DOK7: variants seen among roughly 807,000 people sequenced by gnomAD.
DOK7 encodes docking protein 7, also known as protein Dok-7.
A neutral mutation model predicts 30.7 loss-of-function variants in DOK7; 32 were observed. That is an observed-to-expected ratio of 1.04 (90% CI 0.79 to 1.40). The LOEUF (loss-of-function observed/expected upper bound fraction) is 1.40. Ranked by LOEUF, DOK7 falls within the 40% of genes most tolerant of loss-of-function variation. The pLI is 0.00. For missense variants in DOK7, 1,007 were observed against 699.2 expected (o/e 1.44, Z -4.97); for synonymous variants, 447 against 324.1 (o/e 1.38, Z -4.07).
At chr4:3,500,688 T>G (rs1363557417) in intron 7 of DOK7, 1 of 1,535,574 alleles carries the variant, frequency 6.5e-7, no homozygotes, top group Admixed American at 2.0e-5. Flanking sequence ...CAGAATTCTT[T>G]CAGGGGCTGG....
rs1453991148 is a variant in DOK7, at chr4:3,493,836, A to G, written c.*335A>G. 2.5e-6 allele frequency: 3 copies of G among 1,202,416 alleles called. No individual in the cohort carries two copies. The highest frequency in any genetic ancestry group is 8.6e-5 in the East Asian group (2 of 23,144). The allele number at this position is 1,202,416 out of a possible 1,614,324, so 74.5% of individuals were successfully genotyped here. A position where few individuals can be genotyped will look rare whatever the true frequency, so the allele number is the denominator to read the frequency against. The stretch of plus-strand genomic sequence containing the variant: ...GCTCGTGCCTTGCACTGGGGTGCCA[A>G]GGGCTGGAGGCCCTGCCGCTGGCCT... On this transcript the variant is annotated 3_prime_UTR_variant, in exon 7 of 7. Coordinates refer to ENST00000340083, the MANE Select transcript of DOK7 (RefSeq NM_173660.5).
At position 3,466,388 on chromosome 4, in the gene DOK7, C is replaced by T. The variant is rs368249369; in HGVS notation, c.100+2837C>T. On this transcript the variant is annotated intron_variant, in intron 2 of 6. Coordinates refer to ENST00000340083, the MANE Select transcript of DOK7 (RefSeq NM_173660.5). ...CCCCGTGAGCCCCGGAGCTGCCCCA[C>T]GGCTAGTGCTGTCCTGGGGCCCTGC... is the stretch of plus-strand genomic sequence containing the variant. Among the ~76,000 whole-genome samples, 18 of 152,270 alleles carry T rather than the reference C, an allele frequency of 1.2e-4. 1 individual carries two copies. Among genetic ancestry groups the T allele is most frequent in the African/African-American group, 2.6e-4 (11 of 41,542 alleles).
In DOK7 at chr4:3,476,233, CGTG is replaced by C; in HGVS notation, c.332-108_332-106del. ...ATGATGCCCTCTCGCCCCGCCTGCC[CGTG>C]ATGCCCTCTCACCCCACCCGCCCGT... On this transcript the variant is annotated intron_variant, in intron 3 of 6. Transcript: ENST00000340083. 7 of 982,918 alleles carry C rather than the reference CGTG, an allele frequency of 7.1e-6. 3 individuals are homozygous for C. Among genetic ancestry groups the C allele is most frequent in the Admixed American group, 5.6e-5 (2 of 35,666 alleles). 60.9% of individuals were successfully genotyped at this position (982,918 alleles called of 1,614,324 possible).
exon 8 of DOK7, chr4:3,501,147 G>A (rs1163088056): frequency 5.2e-6 from 2 of 381,562 alleles, no homozygotes; most frequent in Non-Finnish European, 9.5e-6. Context: ...TGCTGCCCAG[G>A]AGTTTGGGAG....
At chr4:3,491,345 G>GCTCCC (rs1728416723) in intron 6 of DOK7, among the ~76,000 whole-genome samples, 5 of 26,804 alleles carry the variant, frequency 1.9e-4, no homozygotes, top group African/African-American at 5.7e-4. Flanking sequence ...TTCCTTCTTC[G>GCTCCC]CCTGCTTGTT....
intron 5 of DOK7, among the ~76,000 whole-genome samples, chr4:3,486,775 G>C (rs1019565208): frequency 1.3e-5 from 2 of 152,084 alleles, no homozygotes; most frequent in Non-Finnish European, 2.9e-5. Context: ...GGCAGGTGTG[G>C]ATGGTGTGGT....
Position 3,465,634 on chromosome 4 carries a change from G to T in DOK7, c.100+2083G>T, listed in dbSNP as rs372908449. 8.7e-4 allele frequency among the ~76,000 whole-genome samples: 133 copies of T among 152,380 alleles called. 1 individual carries two copies. Among genetic ancestry groups the T allele is most frequent in the Admixed American group, 2.3e-3 (35 of 15,310 alleles). Reference sequence around the variant, plus strand: ...GAGCACGTCTTTCTGTTATGACAAGGTTTAGCGAATGAAAGGGAAACCCTT... The same window carrying T: ...GAGCACGTCTTTCTGTTATGACAAGTTTTAGCGAATGAAAGGGAAACCCTT... On this transcript the variant is annotated intron_variant, in intron 2 of 6. Transcript: ENST00000340083.
At chr4:3,484,101 C>T (rs1052605122) in intron 4 of DOK7, among the ~76,000 whole-genome samples, 5 of 152,232 alleles carry the variant, frequency 3.3e-5, no homozygotes, top group African/African-American at 7.2e-5. Flanking sequence ...GAGTCCACCT[C>T]GTGGCTGTGT....
At chr4:3,490,718 T>C (rs1186665031) in intron 6 of DOK7, among the ~76,000 whole-genome samples, 1 of 81,666 alleles carries the variant, frequency 1.2e-5, no homozygotes, top group Non-Finnish European at 2.2e-5. Flanking sequence ...ATTCCTTCAT[T>C]TCCCCCCACT....
At chr4:3,488,112 C>T (rs563034915) in intron 5 of DOK7, among the ~76,000 whole-genome samples, 2 of 152,368 alleles carry the variant, frequency 1.3e-5, no homozygotes, top group East Asian at 3.9e-4. Context: ...AGGGAGGGGA[C>T]AGGAGAGAGG....
intron 4 of DOK7, among the ~76,000 whole-genome samples, chr4:3,483,854 G>A (rs1365284321): frequency 6.6e-6 from 1 of 152,180 alleles, no homozygotes; most frequent in Non-Finnish European, 1.5e-5. Flanking sequence ...CCTTCTCCTT[G>A]CCTGCCCCCA....
In DOK7 at chr4:3,493,922, G is replaced by C; in HGVS notation, c.*421G>C. 9.7e-7 allele frequency: 1 copy of C among 1,033,980 alleles called. No homozygotes were observed. The highest frequency in any genetic ancestry group is 1.2e-6 in the Non-Finnish European group (1 of 862,434). The allele number at this position is 1,033,980 out of a possible 1,614,324, so 64.1% of individuals were successfully genotyped here. On this transcript the variant is annotated 3_prime_UTR_variant, in exon 7 of 7. Transcript: ENST00000340083. ...GCCGGTTCTCCCCATCACCTCTCTGGGGCAGTCACACCACCTGTTAAGCAT... is the reference window on the plus strand; with the variant it reads ...GCCGGTTCTCCCCATCACCTCTCTGCGGCAGTCACACCACCTGTTAAGCAT...
intron 4 of DOK7, among the ~76,000 whole-genome samples, chr4:3,479,146 G>A (rs1214161021): frequency 6.6e-6 from 1 of 152,230 alleles, no homozygotes; most frequent in Non-Finnish European, 1.5e-5. Flanking sequence ...GGACCCATGG[G>A]AAGGTCCTTC....
At chr4:3,487,040 C>T (rs1483651280) in intron 5 of DOK7, among the ~76,000 whole-genome samples, 1 of 152,142 alleles carries the variant, frequency 6.6e-6, no homozygotes, top group Non-Finnish European at 1.5e-5. Flanking sequence ...GGGCCAGCCC[C>T]AGGCGGGGCC....
At chr4:3,476,650 A>G in intron 4 of DOK7, 108 bp downstream of exon 4, 1 of 1,426,022 alleles carries the variant, frequency 7.0e-7, no homozygotes. Context: ...GCCTGCTGGC[A>G]TTTCCAGAAT....
chr4:3,480,723 C>G (rs758729153), intron 4 of DOK7, among the ~76,000 whole-genome samples: 1 of 152,236 alleles, frequency 6.6e-6, no homozygotes, highest in South Asian at 2.1e-4. Context: ...CTGCAGCCTG[C>G]GGGGGCAGCC....
At chr4:3,500,440 G>C (rs761967396) in intron 7 of DOK7, 30 of 1,531,668 alleles carry the variant, frequency 2.0e-5, no homozygotes, top group Middle Eastern at 3.7e-4. Context: ...CTGACAATTG[G>C]GGGCTGGGAC....
chr4:3,465,951 G>A (rs189308026), intron 2 of DOK7, among the ~76,000 whole-genome samples: 6 of 152,030 alleles, frequency 3.9e-5, no homozygotes, highest in Admixed American at 2.6e-4. Context: ...TGGGGGTGGT[G>A]AGGAAAGTGT....
chr4:3,500,771 G>C (rs990727733), exon 8 of DOK7: 2 of 1,534,608 alleles, frequency 1.3e-6, no homozygotes, highest in African/African-American at 2.7e-5. Context: ...GGCACGCACG[G>C]GCCCGGGAGG....
Sources: allele counts gnomAD v4.1 joint callset (sites outside exome capture counted in the v4.1 genomes callset), GRCh38; gene constraint gnomAD v4.1.1; transcripts MANE v1.5; gene names NCBI Gene and HGNC (gene_info 2026-07-23, HGNC 2026-07-21).